ANKRD29: variants seen among roughly 807,000 people sequenced by gnomAD.
The protein encoded by ANKRD29 is ankyrin repeat domain 29, also known as ankyrin repeat domain-containing protein 29.
A neutral mutation model predicts 38.0 loss-of-function variants in ANKRD29; 32 were observed. That is an observed-to-expected ratio of 0.84 (90% CI 0.64 to 1.13). ANKRD29 has a LOEUF of 1.13. Ranked by LOEUF, ANKRD29 falls within the 50% of genes most tolerant of loss-of-function variation. The probability of loss-of-function intolerance (pLI) is 0.00; values close to 1 mark genes in which losing one functional copy is unlikely to be tolerated. For missense variants in ANKRD29, 357 were observed against 377.9 expected (o/e 0.94, Z 0.46); for synonymous variants, 135 against 152.4 (o/e 0.89, Z 0.84).
chr18:23,611,642 G>A (rs1027104091), intron 9 of ANKRD29, among the ~76,000 whole-genome samples: 1 of 152,044 alleles, frequency 6.6e-6, no homozygotes, highest in African/African-American at 2.4e-5. Flanking sequence ...CCAAGATCAC[G>A]CCACTGCACT....
intron 1 of ANKRD29, among the ~76,000 whole-genome samples, chr18:23,655,831 C>T (rs1210541650): frequency 6.7e-6 from 1 of 150,020 alleles, no homozygotes; most frequent in Non-Finnish European, 1.5e-5. Context: ...CGGTGGCTCA[C>T]GCCTGTAATC....
intron 6 of ANKRD29, among the ~76,000 whole-genome samples, chr18:23,627,472 A>G (rs979496367): frequency 2.0e-5 from 3 of 152,200 alleles, no homozygotes; most frequent in Admixed American, 6.5e-5. Flanking sequence ...TGAGGAAGAA[A>G]AAACAGCTAT....
chr18:23,620,970 A>T (rs2059790075), intron 6 of ANKRD29, among the ~76,000 whole-genome samples: 1 of 152,118 alleles, frequency 6.6e-6, no homozygotes, highest in Admixed American at 6.6e-5. Context: ...GAATGGCGAG[A>T]CCAGCTGCAA....
chr18:23,617,675 G>C, intron 8 of ANKRD29, 57 bp downstream of exon 8: 1 of 1,463,766 alleles, frequency 6.8e-7, no homozygotes, highest in East Asian at 2.3e-5. Flanking sequence ...CCCCAAGTGA[G>C]GACTTACTTT....
chr18:23,606,028 G>C (rs1057239895), intron 9 of ANKRD29, among the ~76,000 whole-genome samples: 2 of 152,144 alleles, frequency 1.3e-5, no homozygotes, highest in African/African-American at 4.8e-5. Context: ...GGTGTACTAA[G>C]GCCCCAACAG....
intron 9 of ANKRD29, among the ~76,000 whole-genome samples, chr18:23,611,270 G>A (rs140729016): frequency 1.3e-5 from 2 of 152,214 alleles, no homozygotes; most frequent in Non-Finnish European, 2.9e-5. Context: ...TATGGGAATG[G>A]TGATAAACTA....
chr18:23,652,212 C>T lies in ANKRD29; in HGVS notation c.22-3019G>A, dbSNP rs571623490. On this transcript the variant is annotated intron_variant, in intron 1 of 9. Transcript: ENST00000592179. ...ATCTTGAGCTAATGCTCACTCAGTGCAAAGTGCTTACTCTGGACCACGTGG... is the reference window on the plus strand; with the variant it reads ...ATCTTGAGCTAATGCTCACTCAGTGTAAAGTGCTTACTCTGGACCACGTGG... Among the ~76,000 whole-genome samples the T allele has an allele frequency of 1.6e-4, 24 of 152,278 alleles. 1 individual carries two copies. The highest frequency in any genetic ancestry group is 5.5e-4 in the African/African-American group (23 of 41,546).
intron 9 of ANKRD29, among the ~76,000 whole-genome samples, chr18:23,607,769 T>G (rs1183441742): frequency 6.6e-6 from 1 of 152,234 alleles, no homozygotes; most frequent in Non-Finnish European, 1.5e-5. Context: ...TCGTTCATTA[T>G]GGAGCAGGAG....
At chr18:23,624,535 T>C (rs918621875) in intron 6 of ANKRD29, among the ~76,000 whole-genome samples, 1 of 135,626 alleles carries the variant, frequency 7.4e-6, no homozygotes, top group Non-Finnish European at 1.6e-5. Flanking sequence ...AAGAATGAGA[T>C]TCATGGGGTT....
chr18:23,629,897 GAATA>G lies in ANKRD29; in HGVS notation c.480_483del (p.Ile161AspfsTer35), dbSNP rs1343571036. On this transcript the variant is annotated frameshift_variant, in exon 6 of 10. Coordinates refer to ENST00000592179, the MANE Select transcript of ANKRD29 (RefSeq NM_173505.4). LOFTEE classifies it high-confidence loss of function. Reference sequence around the variant, plus strand: ...TTTGCTCCTGAAGCCAGCAGTAATCGAATAACATCCAAGTAACCACCTTGGGCAG... The same window carrying G: ...TTTGCTCCTGAAGCCAGCAGTAATCGACATCCAAGTAACCACCTTGGGCAG... 1 of 1,614,026 alleles carries G rather than the reference GAATA, an allele frequency of 6.2e-7. No individual in the cohort carries two copies. Among genetic ancestry groups the G allele is most frequent in the African/African-American group, 1.3e-5 (1 of 74,924 alleles).
In ANKRD29 at chr18:23,662,841, G is replaced by A; in HGVS notation, c.-111C>T. On this transcript the variant is annotated 5_prime_UTR_variant, in exon 1 of 10. Coordinates refer to ENST00000592179, the MANE Select transcript of ANKRD29 (RefSeq NM_173505.4). ...GGCGTTCCGCAGAGGGGCGGCCTCCGACGCCGCGCGCTCCCGCCGCCCGGC... is the reference window on the plus strand; with the variant it reads ...GGCGTTCCGCAGAGGGGCGGCCTCCAACGCCGCGCGCTCCCGCCGCCCGGC... 4 of 1,023,728 alleles carry A rather than the reference G, an allele frequency of 3.9e-6. No homozygotes were observed. The highest frequency in any genetic ancestry group is 9.2e-5 in the South Asian group (2 of 21,692). 63.4% of individuals were successfully genotyped at this position (1,023,728 alleles called of 1,614,324 possible).
chr18:23,603,589 C>T (rs1040245377), intron 9 of ANKRD29, among the ~76,000 whole-genome samples: 7 of 152,170 alleles, frequency 4.6e-5, no homozygotes, highest in African/African-American at 1.4e-4. Context: ...GCTGAGATCA[C>T]GCCACTGCAC....
intron 5 of ANKRD29, among the ~76,000 whole-genome samples, chr18:23,631,564 A>G (rs547585068): frequency 2.0e-5 from 3 of 152,184 alleles, no homozygotes; most frequent in South Asian, 4.1e-4. Flanking sequence ...CTCTAAAACA[A>G]AACAAGACAA....
At chr18:23,662,627 A>ACACCCCCCCCCCCC in intron 1 of ANKRD29, 83 bp downstream of exon 1, 1 of 54,444 alleles carries the variant, frequency 1.8e-5, no homozygotes, top group Non-Finnish European at 3.3e-5. Context: ...ACCCCATCCC[A>ACACCCCCCCCCCCC]CCCCATCCCA....
In ANKRD29 at chr18:23,610,811, G is replaced by T. The variant is rs183313176; in HGVS notation, c.822+1281C>A. Among the ~76,000 whole-genome samples, 212 of 152,232 alleles carry T rather than the reference G, an allele frequency of 1.4e-3. 2 individuals are homozygous for T. Among genetic ancestry groups the T allele is most frequent in the Admixed American group, 0.011 (170 of 15,282 alleles). ...TCCTCCCACCTCAGCCTCCTCAGTA[G>T]TTGGGACTACAGGTGCACACCACCA... On this transcript the variant is annotated intron_variant, in intron 9 of 9. Coordinates refer to ENST00000592179, the MANE Select transcript of ANKRD29 (RefSeq NM_173505.4).
intron 8 of ANKRD29, among the ~76,000 whole-genome samples, chr18:23,614,281 T>C (rs2145646698): frequency 6.6e-6 from 1 of 152,248 alleles, no homozygotes; most frequent in Non-Finnish European, 1.5e-5. Flanking sequence ...AAGCTGGTCT[T>C]GAACTCCTAA....
chr18:23,616,748 T>C (rs927974291), intron 8 of ANKRD29, among the ~76,000 whole-genome samples: 2 of 146,944 alleles, frequency 1.4e-5, no homozygotes, highest in African/African-American at 4.9e-5. Context: ...TAATATTTAC[T>C]AAAATGTTAG....
intron 1 of ANKRD29, among the ~76,000 whole-genome samples, chr18:23,651,539 T>C (rs565134392): frequency 6.6e-6 from 1 of 152,320 alleles, no homozygotes; most frequent in East Asian, 1.9e-4. Context: ...GACAATGTAA[T>C]ATGCACCAGG....
At chr18:23,635,963 T>G (rs958762611) in intron 4 of ANKRD29, among the ~76,000 whole-genome samples, 1 of 152,124 alleles carries the variant, frequency 6.6e-6, no homozygotes, top group Non-Finnish European at 1.5e-5. Context: ...AAGCTGGTGG[T>G]AGACGGCAGT....
Sources: gnomAD v4.1 joint callset for allele counts (sites outside exome capture counted in the v4.1 genomes callset) on GRCh38, gnomAD v4.1.1 for gene constraint, MANE v1.5 for transcripts, NCBI Gene and HGNC (gene_info 2026-07-23, HGNC 2026-07-21) for gene names.